Variants in MYH3 observed in about 807,000 individuals in gnomAD.
The protein encoded by MYH3 is myosin-3.
Under a neutral mutation model 238.0 loss-of-function variants are expected in MYH3, and 130 were observed. The observed-to-expected ratio is 0.55, with a 90% confidence interval of 0.47 to 0.63. The LOEUF (loss-of-function observed/expected upper bound fraction) is 0.63. MYH3 is among the 30% of genes least tolerant of loss of function. MYH3 has a pLI of 0.00. For missense variants in MYH3, 1,853 were observed against 2,374.9 expected (o/e 0.78, Z 4.57); for synonymous variants, 880 against 924.1 (o/e 0.95, Z 0.86).
the MYH3 span, among the ~76,000 whole-genome samples, chr17:10,668,102 A>G: frequency 6.6e-6 from 1 of 152,210 alleles, no homozygotes; most frequent in Non-Finnish European, 1.5e-5. Flanking sequence ...AAGCATAAAA[A>G]GAACTGCAGT....
chr17:10,657,353 C>T (rs998882138), upstream of MYH3: 2 of 152,214 alleles, frequency 1.3e-5, no homozygotes, highest in East Asian at 1.9e-4. Flanking sequence ...CCATTGGTAA[C>T]CCCCGCGGCT....
rs1353017062 is a variant in MYH3, at chr17:10,628,560, GAA to G, written c.*91_*92del. ...AAACAAAGCAAAGTTTATTGCATGTGAAAAAGAGTCACATGGACATTAAGTAT... is the reference window on the plus strand; with the variant it reads ...AAACAAAGCAAAGTTTATTGCATGTGAAAGAGTCACATGGACATTAAGTAT... On this transcript the variant is annotated 3_prime_UTR_variant, in exon 41 of 41. Transcript: ENST00000583535. 1.4e-6 allele frequency: 2 copies of G among 1,428,456 alleles called. No homozygotes were observed. The highest frequency in any genetic ancestry group is 1.1e-5 in the South Asian group (1 of 87,378). 88.5% of individuals were successfully genotyped at this position (1,428,456 alleles called of 1,614,324 possible).
intron 8 of MYH3, 121 bp from the exon 9 acceptor site, chr17:10,647,547 TG>T: frequency 9.1e-7 from 1 of 1,095,878 alleles, no homozygotes; most frequent in Non-Finnish European, 1.4e-6. Context: ...TGTTTTGTTT[TG>T]TTTTGTTATG....
the MYH3 span, chr17:10,676,271 T>C: frequency 6.6e-6 from 1 of 152,196 alleles, no homozygotes; most frequent in Non-Finnish European, 1.5e-5. Context: ...TTGGTATTTT[T>C]AGTAGAGACG....
At chr17:10,632,110 GTTTTT>G (rs3216885) in intron 34 of MYH3, 94 bp from the exon 35 acceptor site, 2 of 1,379,784 alleles carry the variant, frequency 1.4e-6, no homozygotes, top group Non-Finnish European at 1.9e-6. Context: ...TTGTTTGTTT[GTTTTT>G]GTTTTGTTTT....
rs377485236 is a variant in MYH3 at position 10,638,348 on chromosome 17, G to A, written c.3424C>T (p.Arg1142Trp). Residue 1142 changes from arginine to tryptophan, a missense_variant, in exon 27 of 41, where the codon CGG (arginine) becomes TGG (tryptophan). Arg to Trp is a moderately radical substitution (Grantham distance 101). Coordinates refer to ENST00000583535, the MANE Select transcript of MYH3 (RefSeq NM_002470.4). ...KTEKQRSDYA[R>W]ELEELSERLE... ...CGCTCGCTCAGCTCCTCCAGCTCCC[G>A]GGCATAGTCGCTGCGCTGTTTCTCT... The A allele has an allele frequency of 2.2e-5, 35 of 1,609,612 alleles. No individual in the cohort carries two copies. Among genetic ancestry groups the A allele is most frequent in the South Asian group, 1.4e-4 (13 of 91,070 alleles).
At chr17:10,661,133 T>A (rs1401186620), upstream of MYH3, among the ~76,000 whole-genome samples, 1 of 151,540 alleles carries the variant, frequency 6.6e-6, no homozygotes. Context: ...TATGCCACCA[T>A]GCCTGGCTAA....
chr17:10,658,109 T>G (rs560797966), upstream of MYH3, among the ~76,000 whole-genome samples: 3 of 151,820 alleles, frequency 2.0e-5, no homozygotes, highest in East Asian at 5.8e-4. Flanking sequence ...TGGGATGGGG[T>G]AGGGGGAACG....
intron 32 of MYH3, 116 bp downstream of exon 32, chr17:10,633,901 G>A (rs887062970): frequency 2.7e-6 from 4 of 1,478,548 alleles, no homozygotes; most frequent in Non-Finnish European, 3.7e-6. Context: ...CTTTCTGCAT[G>A]TGCATTAACA....
chr17:10,649,759 T>A, intron 6 of MYH3, 74 bp from the exon 7 acceptor site: 1 of 1,361,420 alleles, frequency 7.3e-7, no homozygotes, highest in Non-Finnish European at 1.0e-6. Flanking sequence ...GATGTCATAC[T>A]GAGGCCTGGG....
At chr17:10,668,313 T>A in the MYH3 span, among the ~76,000 whole-genome samples, 1 of 152,204 alleles carries the variant, frequency 6.6e-6, no homozygotes, top group African/African-American at 2.4e-5. Context: ...GAGAATCGCT[T>A]GAACACCGGA....
At position 10,640,045 on chromosome 17, in the gene MYH3, A is replaced by G; in HGVS notation, c.2633T>C (p.Leu878Pro). Residue 878 changes from leucine to proline, a missense_variant, in exon 22 of 41, where the codon CTG becomes CCG. Leu to Pro is a moderately conservative substitution (Grantham distance 98). This residue lies in a region of MYH3 where 678 missense variants were observed against 1,058.9 expected (regional missense o/e 0.64). Coordinates refer to ENST00000583535, the MANE Select transcript of MYH3 (RefSeq NM_002470.4). ...ATTCTTCTCTTGGACCAGAGTCACC[A>G]GTTTTTCCTCTAGCTCCTTCCTTTT... ...EAKRKELEEK[L>P]VTLVQEKNDL... is the part of the protein sequence containing the mutation. The G allele has an allele frequency of 6.2e-7, 1 of 1,613,302 alleles. No homozygotes were observed.
rs376574468 is a variant in MYH3, at chr17:10,631,839, C to G, written c.5134G>C (p.Glu1712Gln). ...LAEQELLDSN[E>Q]RVQLLHTQNT... is the part of the protein sequence containing the mutation. The stretch of plus-strand genomic sequence containing the variant: ...TGGGTATGCAGCAGCTGCACCCTCT[C>G]GTTGGAGTCCAGGAGCTCCTGTTCC... Residue 1712 changes from glutamate to glutamine, a missense_variant, in exon 35 of 41, where the codon GAG (glutamate) becomes CAG (glutamine). Physicochemically the swap from Glu to Gln is conservative, Grantham distance 29. This residue lies in a region of MYH3 where 1,044 missense variants were observed against 1,192.6 expected (regional missense o/e 0.88). Transcript: ENST00000583535. 1.9e-5 allele frequency: 30 copies of G among 1,614,048 alleles called. No homozygotes were observed. The highest frequency in any genetic ancestry group is 4.5e-5 in the East Asian group (2 of 44,888).
chr17:10,644,314 G>A (rs751432604), intron 14 of MYH3, 37 bp downstream of exon 14: 2 of 1,602,292 alleles, frequency 1.2e-6, no homozygotes. Context: ...TCCCTCATAT[G>A]AAGCCATATG....
intron 32 of MYH3, 140 bp from the exon 33 acceptor site, chr17:10,633,855 A>G: frequency 6.7e-7 from 1 of 1,482,368 alleles, no homozygotes; most frequent in East Asian, 2.3e-5. Context: ...TATTGTACAG[A>G]GAGAGGCTAA....
intron 8 of MYH3, among the ~76,000 whole-genome samples, chr17:10,648,328 G>C (rs1256654891): frequency 6.6e-6 from 1 of 152,136 alleles, no homozygotes; most frequent in Admixed American, 6.5e-5. Context: ...GCCCCACAGA[G>C]AGGTCTTCCC....
At chr17:10,669,192 A>G in the MYH3 span, among the ~76,000 whole-genome samples, 2 of 152,172 alleles carry the variant, frequency 1.3e-5, no homozygotes, top group African/African-American at 4.8e-5. Context: ...CAGGACAAAT[A>G]ATTTTCCCTA....
chr17:10,661,219 T>G (rs1248377614), upstream of MYH3, among the ~76,000 whole-genome samples: 1 of 141,552 alleles, frequency 7.1e-6, no homozygotes. Flanking sequence ...TCAGGTGATC[T>G]ACCTGCCTCA....
chr17:10,634,008 A>C lies in MYH3; in HGVS notation c.4522+9T>G. On this transcript the variant is annotated intron_variant, in intron 32 of 40. Coordinates refer to ENST00000583535, the MANE Select transcript of MYH3 (RefSeq NM_002470.4). ...AGGAGGAGGTTTCAGAGGGTTTCGA[A>C]TAGCTTACGCTCTAAGTTCTTATTT... 6.2e-7 allele frequency: 1 copy of C among 1,613,502 alleles called. No homozygotes were observed. Among genetic ancestry groups the C allele is most frequent in the Non-Finnish European group, 8.5e-7 (1 of 1,180,026 alleles).
Sources: allele counts gnomAD v4.1 joint callset (sites outside exome capture counted in the v4.1 genomes callset), GRCh38; gene constraint gnomAD v4.1.1; regional missense constraint gnomAD v4.1.1; transcripts MANE v1.5; gene names NCBI Gene and HGNC (gene_info 2026-07-23, HGNC 2026-07-21).